The following CLVS1 variants were observed in gnomAD, a reference collection of about 807,000 sequenced individuals.
CLVS1 encodes clavesin 1, also known as clavesin-1.
In CLVS1, 10 loss-of-function variants were observed where a neutral mutation model predicts 33.1. That is an observed-to-expected ratio of 0.30 (90% CI 0.19 to 0.51). The LOEUF is 0.51. Among genes scored for constraint, CLVS1 ranks in the 20% least tolerant of loss-of-function variants. The probability of loss-of-function intolerance (pLI) is 0.97; values close to 1 mark genes in which losing one functional copy is unlikely to be tolerated. For missense variants in CLVS1, 343 were observed against 433.4 expected (o/e 0.79, Z 1.85); for synonymous variants, 163 against 166.1 (o/e 0.98, Z 0.14).
intron 1 of CLVS1, among the ~76,000 whole-genome samples, chr8:61,094,176 T>C (rs1299051700): frequency 6.6e-6 from 1 of 152,232 alleles, no homozygotes; most frequent in Non-Finnish European, 1.5e-5. Context: ...TGGACTCGCC[T>C]GTGGCCCCAG....
intron 2 of CLVS1, among the ~76,000 whole-genome samples, chr8:61,190,035 T>C (rs1563437915): frequency 6.6e-6 from 1 of 152,200 alleles, no homozygotes; most frequent in African/African-American, 2.4e-5. Flanking sequence ...AATAGACATC[T>C]ACAGAAGTCT....
intron 1 of CLVS1, among the ~76,000 whole-genome samples, chr8:61,099,686 C>T (rs374633264): frequency 6.6e-6 from 1 of 152,098 alleles, no homozygotes; most frequent in Admixed American, 6.5e-5. Context: ...GAGCAGGTCT[C>T]TGGGACTAAA....
Position 61,399,800 on chromosome 8 carries a change from C to T in CLVS1, c.630+23021C>T, listed in dbSNP as rs563726442. Among the ~76,000 whole-genome samples, 3 of 152,066 alleles carry T rather than the reference C, an allele frequency of 2.0e-5. No homozygotes were observed. In the South Asian group the frequency reaches 6.2e-4, roughly 32 times the overall value. ...CATTTATTAAATAGGGAATCCTTTC[C>T]CCATTGCTTGTCTTTGTCAAGTTTG... On this transcript the variant is annotated intron_variant, in intron 3 of 5. Coordinates refer to ENST00000325897, the MANE Select transcript of CLVS1 (RefSeq NM_173519.3).
chr8:61,033,161 A>AAAAGAAAG, the CLVS1 span, among the ~76,000 whole-genome samples: 120 of 92,196 alleles, frequency 1.3e-3, 6 homozygotes, highest in African/African-American at 5.0e-3. Context: ...GAAAGAAAGA[A>AAAAGAAAG]AAAGAAAGAA....
chr8:61,342,839 T>C (rs1290156791), intron 2 of CLVS1, among the ~76,000 whole-genome samples: 1 of 152,176 alleles, frequency 6.6e-6, no homozygotes, highest in Non-Finnish European at 1.5e-5. Context: ...CATAATGTAA[T>C]TATAATGTGT....
intron 2 of CLVS1, among the ~76,000 whole-genome samples, chr8:61,192,677 AAAAC>A (rs1374899986): frequency 5.3e-5 from 8 of 152,322 alleles, no homozygotes; most frequent in African/African-American, 7.2e-5. Flanking sequence ...TTACAAGAAA[AAAAC>A]AAACAACCCC....
intron 2 of CLVS1, among the ~76,000 whole-genome samples, chr8:61,304,740 C>T (rs559629578): frequency 1.1e-4 from 16 of 152,074 alleles, no homozygotes; most frequent in Non-Finnish European, 2.2e-4. Context: ...CCATGAATGC[C>T]CCAGTGCTGG....
At chr8:61,385,613 T>C (rs1814051052) in intron 3 of CLVS1, among the ~76,000 whole-genome samples, 1 of 152,260 alleles carries the variant, frequency 6.6e-6, no homozygotes, top group South Asian at 2.1e-4. Context: ...TCTTCCAGGC[T>C]GAGCTAGACC....
At chr8:61,158,371 T>C (rs147611519) in intron 2 of CLVS1, among the ~76,000 whole-genome samples, 79 of 152,306 alleles carry the variant, frequency 5.2e-4, no homozygotes, top group African/African-American at 1.5e-3. Flanking sequence ...GTGCTCACCA[T>C]TTGATGTGTA....
intron 2 of CLVS1, among the ~76,000 whole-genome samples, chr8:61,273,756 A>T (rs1383578318): frequency 6.6e-6 from 1 of 152,230 alleles, no homozygotes; most frequent in Admixed American, 6.5e-5. Flanking sequence ...CCGATTTTCC[A>T]GGTGCTGCCC....
At chr8:61,203,783 C>G (rs1472877156) in intron 2 of CLVS1, among the ~76,000 whole-genome samples, 1 of 152,170 alleles carries the variant, frequency 6.6e-6, no homozygotes, top group African/African-American at 2.4e-5. Context: ...GATGTTATTT[C>G]TACTTGCCCC....
chr8:61,269,654 GA>G (rs1456828611), intron 2 of CLVS1, among the ~76,000 whole-genome samples: 3 of 150,300 alleles, frequency 2.0e-5, no homozygotes, highest in Middle Eastern at 3.4e-3. Flanking sequence ...CATGAGCGTG[GA>G]ATGTTCTTCC....
intron 3 of CLVS1, among the ~76,000 whole-genome samples, chr8:61,411,966 C>G (rs1481448520): frequency 6.6e-6 from 1 of 152,194 alleles, no homozygotes; most frequent in East Asian, 1.9e-4. Flanking sequence ...GCCAAGTACT[C>G]CGTGCTGGAA....
intron 2 of CLVS1, among the ~76,000 whole-genome samples, chr8:61,306,635 T>G (rs961318137): frequency 1.3e-5 from 2 of 150,992 alleles, no homozygotes; most frequent in African/African-American, 4.9e-5. Flanking sequence ...CTCTTTAATA[T>G]ATTGATCAAT....
At chr8:61,082,659 C>T (rs1282392368) in intron 1 of CLVS1, among the ~76,000 whole-genome samples, 2 of 152,012 alleles carry the variant, frequency 1.3e-5, no homozygotes, top group Non-Finnish European at 2.9e-5. Context: ...TCTTCAGAAC[C>T]CATGTATGTG....
intron 1 of CLVS1, among the ~76,000 whole-genome samples, chr8:61,098,806 T>G (rs1038343789): frequency 1.3e-5 from 2 of 152,158 alleles, no homozygotes; most frequent in Non-Finnish European, 2.9e-5. Context: ...CCTAGTAACA[T>G]TTGGGTCTTG....
chr8:61,032,996 A>G, the CLVS1 span, among the ~76,000 whole-genome samples: 474 of 51,358 alleles, frequency 9.2e-3, 2 homozygotes, highest in African/African-American at 0.026. Flanking sequence ...AAGGAAGGAA[A>G]GAAAGAAAGA....
At chr8:61,453,939 C>A (rs1817055769) in intron 3 of CLVS1, among the ~76,000 whole-genome samples, 1 of 152,044 alleles carries the variant, frequency 6.6e-6, no homozygotes, top group African/African-American at 2.4e-5. Context: ...TGCATGGAGT[C>A]AAAGGGAGAG....
chr8:61,393,870 T>G (rs541778954), intron 3 of CLVS1, among the ~76,000 whole-genome samples: 1 of 152,260 alleles, frequency 6.6e-6, no homozygotes, highest in Admixed American at 6.5e-5. Flanking sequence ...GTGCACTGGT[T>G]TTCTCAAATG....
Sources: allele counts gnomAD v4.1 joint callset (sites outside exome capture counted in the v4.1 genomes callset), GRCh38; gene constraint gnomAD v4.1.1; transcripts MANE v1.5; gene names NCBI Gene and HGNC (gene_info 2026-07-23, HGNC 2026-07-21).